Variants in TBC1D22A observed in about 807,000 individuals in gnomAD.
TBC1D22A encodes putative GTPase activator.
In TBC1D22A, 38 loss-of-function variants were observed where a neutral mutation model predicts 60.2. That is an observed-to-expected ratio of 0.63 (90% CI 0.49 to 0.83). The LOEUF (loss-of-function observed/expected upper bound fraction) is 0.83, where lower values mean the gene tolerates loss of function less well. Ranked by LOEUF, TBC1D22A falls within the 40% of genes least tolerant of loss-of-function variation. The probability of loss-of-function intolerance (pLI) is 0.00; values close to 1 mark genes in which losing one functional copy is unlikely to be tolerated. For synonymous variants in TBC1D22A, 302 were observed against 281.7 expected (o/e 1.07, Z -0.72); for missense variants, 628 against 701.0 (o/e 0.90, Z 1.18).
At position 47,008,417 on chromosome 22, in the gene TBC1D22A, G is replaced by T. The variant is rs116176389; in HGVS notation, c.1201+10708G>T. Among the ~76,000 whole-genome samples the T allele has an allele frequency of 4.1e-3, 629 of 152,314 alleles. 9 individuals carry two copies. The highest frequency in any genetic ancestry group is 0.014 in the African/African-American group (599 of 41,572). ...TGGCACTTGCCAACTCTCCCCAGGTGTAGAGTTCCCTCATAGAGTTGGCCT... is the reference window on the plus strand; with the variant it reads ...TGGCACTTGCCAACTCTCCCCAGGTTTAGAGTTCCCTCATAGAGTTGGCCT... On this transcript the variant is annotated intron_variant, in intron 10 of 12. Transcript: ENST00000337137.
At chr22:47,161,074 C>CACATGCTGGTCAGGCCCTGCCTCCCAGA (rs2067965766) in intron 12 of TBC1D22A, among the ~76,000 whole-genome samples, 1 of 152,054 alleles carries the variant, frequency 6.6e-6, no homozygotes, top group African/African-American at 2.4e-5. Flanking sequence ...TGCCTCCCAG[C>CACATGCTGGTCAGGCCCTGCCTCCCAGA]TGGCCCTGGG....
chr22:47,121,792 T>TA (rs1410094634), intron 12 of TBC1D22A, among the ~76,000 whole-genome samples: 4 of 152,194 alleles, frequency 2.6e-5, no homozygotes, highest in African/African-American at 9.6e-5. Context: ...ATTCCCACGT[T>TA]AAGGATGGTT....
rs11387235 is a variant in TBC1D22A, at chr22:47,127,394, ATT to A, written c.1425+15808_1425+15809del. ...AGGTGTGTGCTACCACGCCCAGCTG[ATT>A]TTTTTTTTTTTTTTTTGTATTTTTA... On this transcript the variant is annotated intron_variant, in intron 12 of 12. Transcript: ENST00000337137. 7.5e-3 allele frequency among the ~76,000 whole-genome samples: 920 copies of A among 122,484 alleles called. 9 individuals are homozygous for A. Among genetic ancestry groups the A allele is most frequent in the African/African-American group, 0.028 (879 of 31,842 alleles). The allele number at this position is 122,484 out of a possible 152,430, so 80.4% of individuals were successfully genotyped here. A position where few individuals can be genotyped will look rare whatever the true frequency, so the allele number is the denominator to read the frequency against.
intron 4 of TBC1D22A, among the ~76,000 whole-genome samples, chr22:46,819,057 T>C (rs1166664610): frequency 6.6e-6 from 1 of 152,234 alleles, no homozygotes; most frequent in African/African-American, 2.4e-5. Context: ...TGTAAAGGAA[T>C]ACTTGTGATT....
intron 10 of TBC1D22A, among the ~76,000 whole-genome samples, chr22:47,024,733 T>C (rs907075993): frequency 1.3e-5 from 2 of 152,054 alleles, no homozygotes; most frequent in African/African-American, 4.8e-5. Context: ...GACGTGTGCC[T>C]GTGGGCCTAG....
chr22:46,777,810 C>G lies in TBC1D22A; in HGVS notation c.63-14710C>G, dbSNP rs115948347. 2.0e-5 allele frequency among the ~76,000 whole-genome samples: 3 copies of G among 152,162 alleles called. No homozygotes were observed. The highest frequency in any genetic ancestry group is 4.4e-5 in the Non-Finnish European group (3 of 68,028). ...GCTCCGAAAGTCATGCATCACTTAG[C>G]GACGGGGACGCCTTCTGAGACATGT... On this transcript the variant is annotated intron_variant, in intron 1 of 12. Coordinates refer to ENST00000337137, the MANE Select transcript of TBC1D22A (RefSeq NM_014346.5). This position sits in a 1 kb window ranked among gnomAD's most constrained non-coding sequence, Gnocchi z 4.5.
At chr22:46,841,939 C>T (rs1427957373) in intron 4 of TBC1D22A, among the ~76,000 whole-genome samples, 1 of 152,072 alleles carries the variant, frequency 6.6e-6, no homozygotes, top group Non-Finnish European at 1.5e-5. Flanking sequence ...AATCTGAATC[C>T]CATGTTGAAC....
chr22:46,797,727 C>T lies in TBC1D22A; in HGVS notation c.637+107C>T, dbSNP rs801594. On this transcript the variant is annotated intron_variant, in intron 4 of 12. Transcript: ENST00000337137. The stretch of plus-strand genomic sequence containing the variant: ...TATGCTTATGTAATGCACACGCGTC[C>T]GTGTGTAATTTGCCTTGCAGGAAGG... 5.9e-3 allele frequency: 7,038 copies of T among 1,194,958 alleles called. 169 individuals are homozygous for T. Among genetic ancestry groups the T allele is most frequent in the African/African-American group, 0.058 (3,699 of 63,516 alleles). The allele number at this position is 1,194,958 out of a possible 1,614,324, so 74.0% of individuals were successfully genotyped here.
chr22:47,109,611 C>G (rs2065771164), intron 11 of TBC1D22A, among the ~76,000 whole-genome samples: 2 of 152,096 alleles, frequency 1.3e-5, no homozygotes, highest in South Asian at 4.2e-4. Context: ...TTGGCAGTTC[C>G]AAAGAATAAC....
At chr22:46,874,219 A>G (rs181460265) in intron 4 of TBC1D22A, among the ~76,000 whole-genome samples, 1 of 152,254 alleles carries the variant, frequency 6.6e-6, no homozygotes, top group Admixed American at 6.5e-5. Flanking sequence ...TGTCTTTGCT[A>G]TAGTGAATAG....
intron 11 of TBC1D22A, among the ~76,000 whole-genome samples, chr22:47,049,827 T>A (rs1220369844): frequency 6.6e-6 from 1 of 152,164 alleles, no homozygotes; most frequent in Non-Finnish European, 1.5e-5. Context: ...GACTGAGAGA[T>A]GATATATTTG....
chr22:46,846,088 G>T (rs904506921), intron 4 of TBC1D22A, among the ~76,000 whole-genome samples: 6 of 152,218 alleles, frequency 3.9e-5, no homozygotes, highest in African/African-American at 1.4e-4. Context: ...CTTGCCATTA[G>T]TATTGTTGCC....
intron 8 of TBC1D22A, among the ~76,000 whole-genome samples, chr22:46,936,891 G>A (rs527808149): frequency 1.5e-4 from 23 of 152,234 alleles, no homozygotes; most frequent in Non-Finnish European, 1.6e-4. Context: ...AAAAATAAAC[G>A]AATGAGACTA....
At chr22:47,062,950 A>C (rs1470443723) in intron 11 of TBC1D22A, among the ~76,000 whole-genome samples, 2 of 152,178 alleles carry the variant, frequency 1.3e-5, no homozygotes, top group African/African-American at 4.8e-5. Flanking sequence ...GCATCTGGGA[A>C]AAAGCCTGAA....
intron 10 of TBC1D22A, among the ~76,000 whole-genome samples, chr22:47,017,151 C>G (rs1282309275): frequency 6.6e-6 from 1 of 152,216 alleles, no homozygotes; most frequent in Non-Finnish European, 1.5e-5. Flanking sequence ...TGTTGATGCT[C>G]TACATTTCCC....
chr22:47,109,279 A>G (rs994840189), intron 11 of TBC1D22A, among the ~76,000 whole-genome samples: 2 of 152,226 alleles, frequency 1.3e-5, no homozygotes, highest in Non-Finnish European at 2.9e-5. Flanking sequence ...ACATACACTC[A>G]CTGTCATAAT....
chr22:46,833,761 G>T (rs544442194), intron 4 of TBC1D22A, among the ~76,000 whole-genome samples: 1 of 152,306 alleles, frequency 6.6e-6, no homozygotes, highest in South Asian at 2.1e-4. Context: ...GGTGGTTCCA[G>T]AGCAGTGAAA....
intron 4 of TBC1D22A, among the ~76,000 whole-genome samples, chr22:46,827,051 G>T (rs16995753): frequency 0.031 from 4,720 of 151,706 alleles, 233 homozygotes; most frequent in African/African-American, 0.1. Flanking sequence ...TTGTAGAGTT[G>T]ATTGACAGGG....
At chr22:47,156,812 C>G (rs550144392) in intron 12 of TBC1D22A, among the ~76,000 whole-genome samples, 1 of 152,338 alleles carries the variant, frequency 6.6e-6, no homozygotes, top group South Asian at 2.1e-4. Context: ...AGCTGCTACC[C>G]GGGAGCCACT....
Sources: gnomAD v4.1 joint callset for allele counts (sites outside exome capture counted in the v4.1 genomes callset) on GRCh38, gnomAD v4.1.1 for gene constraint, Gnocchi (gnomAD v3.1) non-coding constraint, MANE v1.5 for transcripts, NCBI Gene and HGNC (gene_info 2026-07-23, HGNC 2026-07-21) for gene names.